The following DOCK1 variants were observed in gnomAD, a reference collection of about 807,000 sequenced individuals.
The protein encoded by DOCK1 is dedicator of cytokinesis 1, also known as dedicator of cytokinesis protein 1.
DOCK1 carries 138 observed loss-of-function variants against 262.7 expected under a neutral mutation model. The ratio of observed to expected loss-of-function variants is 0.53; its 90% CI spans 0.46 to 0.61. The LOEUF (loss-of-function observed/expected upper bound fraction) is 0.61, where lower values mean the gene tolerates loss of function less well. Ranked by LOEUF, DOCK1 falls within the 20% of genes least tolerant of loss-of-function variation. The probability of loss-of-function intolerance (pLI) is 0.00; values close to 1 mark genes in which losing one functional copy is unlikely to be tolerated. For synonymous variants in DOCK1, 866 were observed against 867.4 expected, an observed-to-expected ratio of 1.00 and a Z score of 0.03; for missense variants, 1,908 against 2,370.7, an observed-to-expected ratio of 0.80 and a Z score of 4.05.
chr10:127,111,766 A>G (rs1046104475), intron 25 of DOCK1, among the ~76,000 whole-genome samples: 5 of 152,216 alleles, frequency 3.3e-5, no homozygotes, highest in Admixed American at 1.3e-4. Context: ...GACATACTGC[A>G]TCACCAGCAC....
At chr10:127,415,819 C>G (rs1428108372) in intron 44 of DOCK1, among the ~76,000 whole-genome samples, 3 of 152,206 alleles carry the variant, frequency 2.0e-5, no homozygotes. Flanking sequence ...TGGACAGTTT[C>G]ATTTACATGA....
chr10:127,243,627 C>T (rs544418980), intron 27 of DOCK1, among the ~76,000 whole-genome samples: 6 of 152,318 alleles, frequency 3.9e-5, no homozygotes, highest in African/African-American at 1.4e-4. Flanking sequence ...CACTGAGGTA[C>T]TTCCAGGAGG....
chr10:127,331,340 C>T lies in DOCK1; in HGVS notation c.3045-7666C>T, dbSNP rs573003816. Among the ~76,000 whole-genome samples, 229 of 152,158 alleles carry T rather than the reference C, an allele frequency of 1.5e-3. 1 individual carries two copies. The highest frequency in any genetic ancestry group is 5.4e-3 in the South Asian group (26 of 4,816). On this transcript the variant is annotated intron_variant, in intron 29 of 51. Coordinates refer to ENST00000623213, the MANE Select transcript of DOCK1 (RefSeq NM_001290223.2). ...TCTTGTTACCCAGGCTGGAGTGCAG[C>T]GGCGCGATCCAGCTCTCTGCAACTT...
chr10:127,405,987 C>A (rs1190645414), intron 40 of DOCK1, among the ~76,000 whole-genome samples: 3 of 152,156 alleles, frequency 2.0e-5, no homozygotes, highest in Non-Finnish European at 2.9e-5. Flanking sequence ...CAATAAAAAA[C>A]AAAGCTGAAG....
intron 11 of DOCK1, among the ~76,000 whole-genome samples, chr10:127,010,556 G>A (rs2041350349): frequency 6.6e-6 from 1 of 152,190 alleles, no homozygotes; most frequent in Non-Finnish European, 1.5e-5. Flanking sequence ...AGCAGGGGAG[G>A]TCAGTGGCCC....
chr10:127,325,713 G>C (rs973588435), intron 29 of DOCK1, among the ~76,000 whole-genome samples: 3 of 152,238 alleles, frequency 2.0e-5, no homozygotes, highest in Non-Finnish European at 4.4e-5. Context: ...ATAAAGACCA[G>C]ATGGTCTTGA....
At chr10:127,412,573 T>G (rs2067923769) in intron 43 of DOCK1, among the ~76,000 whole-genome samples, 1 of 152,182 alleles carries the variant, frequency 6.6e-6, no homozygotes, top group Non-Finnish European at 1.5e-5. Flanking sequence ...TTGTGTGCCG[T>G]CCGAAGGCAT....
intron 29 of DOCK1, among the ~76,000 whole-genome samples, chr10:127,277,523 C>A (rs781133590): frequency 6.6e-6 from 1 of 151,936 alleles, no homozygotes; most frequent in Non-Finnish European, 1.5e-5. Flanking sequence ...TTTGGGAGGC[C>A]GAGGCAGGTG....
chr10:126,906,571 C>A (rs1425306467), intron 1 of DOCK1, among the ~76,000 whole-genome samples: 1 of 152,144 alleles, frequency 6.6e-6, no homozygotes, highest in Non-Finnish European at 1.5e-5. Flanking sequence ...CCACTCGACC[C>A]GACTGGGAAG....
chr10:127,217,996 C>A (rs909841869), intron 27 of DOCK1, among the ~76,000 whole-genome samples: 3 of 151,874 alleles, frequency 2.0e-5, no homozygotes, highest in Non-Finnish European at 2.9e-5. Context: ...TGTTGAGGAT[C>A]AGATGGTTGT....
chr10:127,085,550 G>C (rs1212606429), intron 23 of DOCK1, among the ~76,000 whole-genome samples: 1 of 152,162 alleles, frequency 6.6e-6, no homozygotes, highest in African/African-American at 2.4e-5. Context: ...ACGAGGTCAG[G>C]AGATTGAGAC....
At chr10:126,917,994 T>G (rs999772612) in intron 1 of DOCK1, among the ~76,000 whole-genome samples, 8 of 152,198 alleles carry the variant, frequency 5.3e-5, no homozygotes, top group Non-Finnish European at 1.0e-4. Flanking sequence ...TGGGCCTGCA[T>G]CTGGACGAGA....
intron 1 of DOCK1, among the ~76,000 whole-genome samples, chr10:126,925,396 G>C (rs900504604): frequency 6.6e-6 from 1 of 152,056 alleles, no homozygotes; most frequent in South Asian, 2.1e-4. Flanking sequence ...GTTTTGTTTT[G>C]TTTTTTGAGA....
chr10:127,155,096 G>T (rs1326635970), intron 27 of DOCK1, among the ~76,000 whole-genome samples: 2 of 152,178 alleles, frequency 1.3e-5, no homozygotes, highest in Non-Finnish European at 2.9e-5. Context: ...CACTCTGGGG[G>T]CAAATTTCCA....
chr10:127,152,788 G>A (rs1182994968), intron 27 of DOCK1, among the ~76,000 whole-genome samples: 4 of 152,174 alleles, frequency 2.6e-5, no homozygotes, highest in Admixed American at 2.0e-4. Flanking sequence ...TGTGGCCTTC[G>A]GTGCCTATCT....
At chr10:127,393,050 C>T (rs1434496109) in intron 38 of DOCK1, among the ~76,000 whole-genome samples, 5 of 152,182 alleles carry the variant, frequency 3.3e-5, no homozygotes, top group South Asian at 2.1e-4. Flanking sequence ...CAGAACTTAC[C>T]GACCTGACTG....
intron 18 of DOCK1, among the ~76,000 whole-genome samples, chr10:127,036,596 G>A (rs1340189311): frequency 1.3e-5 from 2 of 151,972 alleles, no homozygotes; most frequent in Non-Finnish European, 2.9e-5. Context: ...TTCGAGTAAT[G>A]GGATGTTAAT....
intron 1 of DOCK1, among the ~76,000 whole-genome samples, chr10:126,965,140 G>T (rs2037566638): frequency 6.6e-6 from 1 of 152,200 alleles, no homozygotes; most frequent in Non-Finnish European, 1.5e-5. Context: ...GAGTGTACAG[G>T]GAGTTCAGAA....
intron 31 of DOCK1, 117 bp from the exon 32 acceptor site, chr10:127,354,552 C>T: frequency 8.8e-7 from 1 of 1,140,400 alleles, no homozygotes; most frequent in Non-Finnish European, 1.3e-6. Context: ...GAAGCTTTGA[C>T]ACTCTCTTTA....
Sources: gnomAD v4.1 joint callset for allele counts (sites outside exome capture counted in the v4.1 genomes callset) on GRCh38, gnomAD v4.1.1 for gene constraint, MANE v1.5 for transcripts, NCBI Gene and HGNC (gene_info 2026-07-23, HGNC 2026-07-21) for gene names.